Variants in ABR observed in about 807,000 individuals in gnomAD.
The protein encoded by ABR is active breakpoint cluster region-related protein.
ABR carries 35 observed loss-of-function variants against 107.2 expected under a neutral mutation model. The ratio of observed to expected loss-of-function variants is 0.33; its 90% confidence interval spans 0.25 to 0.43. ABR has a LOEUF of 0.43. Among genes scored for constraint, ABR ranks in the 20% least tolerant of loss-of-function variants. The probability of loss-of-function intolerance (pLI) is 1.00; values close to 1 mark genes in which losing one functional copy is unlikely to be tolerated. For synonymous variants in ABR, 498 were observed against 462.0 expected (o/e 1.08, Z -1.00); for missense variants, 815 against 1,115.2 (o/e 0.73, Z 3.83).
chr17:1,078,104 GGTGT>G lies in ABR; in HGVS notation c.700+1222_700+1225del, dbSNP rs34146750. 1.1e-3 allele frequency among the ~76,000 whole-genome samples: 168 copies of G among 148,420 alleles called. 1 individual carries two copies. The highest frequency in any genetic ancestry group is 3.6e-3 in the East Asian group (18 of 4,938). ...GTCCGGGTCCCTTCCACCGAAAGGTGGTGTGTGTGTGTGTGTGTGTGTGTGTGAC... is the reference window on the plus strand; with the variant it reads ...GTCCGGGTCCCTTCCACCGAAAGGTGGTGTGTGTGTGTGTGTGTGTGTGAC... On this transcript the variant is annotated intron_variant, in intron 6 of 22. Transcript: ENST00000302538. This position sits in a 1 kb window ranked among gnomAD's most constrained non-coding sequence, Gnocchi z 7.5.
Position 1,092,250 on chromosome 17 carries a change from G to A in ABR, c.346-400C>T, listed in dbSNP as rs1005881848. ...TGACAGGGAACTCAAGCCTATAGCT[G>A]TTTCCTTCCAAGAAACAGAATGTGG... On this transcript the variant is annotated intron_variant, in intron 3 of 22. Transcript: ENST00000302538. This position sits in a 1 kb window ranked among gnomAD's most constrained non-coding sequence, Gnocchi z 4.6. 5.3e-5 allele frequency among the ~76,000 whole-genome samples: 8 copies of A among 152,184 alleles called. No homozygotes were observed. Among genetic ancestry groups the A allele is most frequent in the African/African-American group, 1.2e-4 (5 of 41,452 alleles).
chr17:1,093,912 A>T (rs2037210324), intron 3 of ABR, among the ~76,000 whole-genome samples: 1 of 152,208 alleles, frequency 6.6e-6, no homozygotes, highest in Admixed American at 6.5e-5. Flanking sequence ...TAAAAAGCCC[A>T]GATCCAACAA....
rs151269569 is a variant in ABR at position 1,079,395 on chromosome 17, C to A, written c.640-5G>T. The A allele has an allele frequency of 8.9e-4, 1,440 of 1,612,504 alleles. 19 individuals carry two copies. The African/African-American group carries it at 0.017, about 19-fold the overall frequency. ...GGGACCTTTCACTTTGAGTTCCTGC[C>A]AAAGGGAGGAGAGGAGTCATGGCCT... On this transcript the variant is annotated splice_region_variant and splice_polypyrimidine_tract_variant and intron_variant, in intron 5 of 22. Coordinates refer to ENST00000302538, the MANE Select transcript of ABR (RefSeq NM_021962.5).
intron 1 of ABR, among the ~76,000 whole-genome samples, chr17:1,225,247 C>T (rs1165849664): frequency 1.3e-5 from 2 of 152,132 alleles, no homozygotes; most frequent in African/African-American, 4.8e-5. Context: ...GTCCTCCCAC[C>T]TCAGCCTCCC....
At chr17:1,113,199 T>A (rs1405889330) in intron 2 of ABR, among the ~76,000 whole-genome samples, 1 of 147,580 alleles carries the variant, frequency 6.8e-6, no homozygotes, top group Non-Finnish European at 1.5e-5. Context: ...AAGGCCGTAC[T>A]GGGGAGGGGA....
chr17:1,176,066 CA>C (rs937706230), intron 1 of ABR, among the ~76,000 whole-genome samples: 3 of 151,652 alleles, frequency 2.0e-5, no homozygotes, highest in African/African-American at 7.3e-5. Flanking sequence ...ACTCCAGCTC[CA>C]GCCTGGGTGA....
intron 2 of ABR, among the ~76,000 whole-genome samples, chr17:1,104,206 G>A (rs1567763219): frequency 6.6e-6 from 1 of 152,122 alleles, no homozygotes; most frequent in South Asian, 2.1e-4. Context: ...TGGTGGGTTC[G>A]TTTATCCTCA....
Position 1,210,846 on chromosome 17 carries a change from C to CT in ABR, c.838+17946dup, listed in dbSNP as rs1374577779. Among the ~76,000 whole-genome samples, 2 of 152,168 alleles carry CT rather than the reference C, an allele frequency of 1.3e-5. No homozygotes were observed. The highest frequency in any genetic ancestry group is 2.9e-5 in the Non-Finnish European group (2 of 68,042). On this transcript the variant is annotated intron_variant, in intron 1 of 22. Coordinates refer to the ABR transcript ENST00000574139. The surrounding 1 kb of genome is among the most constrained non-coding windows in gnomAD (Gnocchi z 5.6). The stretch of plus-strand genomic sequence containing the variant: ...ATTTTTGCATCCTTTTAACATCAAC[C>CT]TGTAGGGCCAGATGGACGGAAAGGG...
intron 10 of ABR, among the ~76,000 whole-genome samples, chr17:1,065,953 C>A (rs1347232656): frequency 1.3e-5 from 2 of 152,260 alleles, no homozygotes; most frequent in Non-Finnish European, 2.9e-5. Flanking sequence ...CCATGTTGGC[C>A]AGGCTGGTCT....
intron 21 of ABR, among the ~76,000 whole-genome samples, chr17:1,009,252 C>T (rs372278988): frequency 1.8e-5 from 2 of 108,380 alleles, no homozygotes; most frequent in African/African-American, 9.4e-5. Flanking sequence ...TGCTGTCCAC[C>T]CCCCACTGCT....
chr17:1,159,572 G>A (rs62069454), intron 1 of ABR, among the ~76,000 whole-genome samples: 587 of 21,878 alleles, frequency 0.027, 5 homozygotes, highest in Middle Eastern at 0.067. Context: ...ACTCACACAC[G>A]GGAGAAGTAA....
In ABR at chr17:1,200,343, C is replaced by A. The variant is rs955354363; in HGVS notation, c.838+28450G>T. 1.3e-5 allele frequency among the ~76,000 whole-genome samples: 2 copies of A among 151,986 alleles called. No individual in the cohort carries two copies. The highest frequency in any genetic ancestry group is 2.9e-5 in the Non-Finnish European group (2 of 68,004). ...CTTGAAGCCAGGAGTTCAAGACCAG[C>A]CTGGGCAACATAGCAAGACACTGTC... On this transcript the variant is annotated intron_variant, in intron 1 of 22. Transcript: ENST00000574139. This position sits in a 1 kb window ranked among gnomAD's most constrained non-coding sequence, Gnocchi z 4.1.
At chr17:1,125,117 G>T in intron 2 of ABR, 66 bp downstream of exon 2, 1 of 1,479,492 alleles carries the variant, frequency 6.8e-7, no homozygotes, top group Non-Finnish European at 9.1e-7. Context: ...GCAGGGCCTG[G>T]CCCACGATGC....
At chr17:1,194,682 C>T (rs1216348614) in intron 1 of ABR, among the ~76,000 whole-genome samples, 1 of 124,022 alleles carries the variant, frequency 8.1e-6, no homozygotes, top group Non-Finnish European at 1.7e-5. Flanking sequence ...AAGATGGAGT[C>T]TCGCTCTGTT....
chr17:1,043,270 C>A (rs1360475927), intron 16 of ABR, among the ~76,000 whole-genome samples: 1 of 152,054 alleles, frequency 6.6e-6, no homozygotes, highest in Non-Finnish European at 1.5e-5. Flanking sequence ...CAGGTTCAAG[C>A]AATTCTCCAG....
intron 1 of ABR, among the ~76,000 whole-genome samples, chr17:1,195,297 A>ATT (rs2042534753): frequency 7.3e-6 from 1 of 137,456 alleles, no homozygotes; most frequent in East Asian, 2.7e-4. Context: ...ACAGAATGAG[A>ATT]CTGTCTCAAA....
Position 1,157,425 on chromosome 17 carries a change from A to AT in ABR, c.61+22241dup, listed in dbSNP as rs2041089533. ...GCCACCACGCCCGGCTAATTTTTAT[A>AT]TTTTTAATAGAGACAGGGTCTCACC... On this transcript the variant is annotated intron_variant, in intron 1 of 22. Coordinates refer to ENST00000302538, the MANE Select transcript of ABR (RefSeq NM_021962.5). This position sits in a 1 kb window ranked among gnomAD's most constrained non-coding sequence, Gnocchi z 4.7. 6.6e-6 allele frequency among the ~76,000 whole-genome samples: 1 copy of AT among 151,932 alleles called. No homozygotes were observed. Among genetic ancestry groups the AT allele is most frequent in the Non-Finnish European group, 1.5e-5 (1 of 67,992 alleles).
rs148523604 is a variant in ABR, at chr17:1,211,637, C to T, written c.838+17156G>A. Among the ~76,000 whole-genome samples, 422 of 152,264 alleles carry T rather than the reference C, an allele frequency of 2.8e-3. 1 individual carries two copies. The highest frequency in any genetic ancestry group is 0.017 in the Middle Eastern group (5 of 292). On this transcript the variant is annotated intron_variant, in intron 1 of 22. Coordinates refer to the ABR transcript ENST00000574139. ...AGATAAGATATCCAAGGCACAGAGA[C>T]GTGAAATAACGTTTTTAAATCCTCA... is the stretch of plus-strand genomic sequence containing the variant.
intron 2 of ABR, among the ~76,000 whole-genome samples, chr17:1,106,283 C>T (rs1274375528): frequency 2.6e-5 from 4 of 152,158 alleles, no homozygotes; most frequent in Non-Finnish European, 5.9e-5. Flanking sequence ...AACGCAACTG[C>T]TGCTTAAGGT....
Sources: gnomAD v4.1 joint callset for allele counts (sites outside exome capture counted in the v4.1 genomes callset) on GRCh38, gnomAD v4.1.1 for gene constraint, Gnocchi (gnomAD v3.1) non-coding constraint, MANE v1.5 for transcripts, NCBI Gene and HGNC (gene_info 2026-07-23, HGNC 2026-07-21) for gene names.